The following AGAP6 variants were observed in gnomAD, a reference collection of about 807,000 sequenced individuals.
AGAP6 encodes the protein arf-GAP with GTPase, ANK repeat and PH domain-containing protein 6.
AGAP6 carries 29 observed loss-of-function variants against 63.9 expected under a neutral mutation model. That is an observed-to-expected ratio of 0.45 (90% confidence interval 0.34 to 0.62). The LOEUF is 0.62. Among genes scored for constraint, AGAP6 ranks in the 20% least tolerant of loss-of-function variants. AGAP6 has a pLI of 0.01. For missense variants in AGAP6, 493 were observed against 884.9 expected (o/e 0.56, Z 5.62); for synonymous variants, 199 against 332.9 (o/e 0.60, Z 4.38).
At chr10:49,992,950 CAG>C (rs1318107125) in intron 3 of AGAP6, among the ~76,000 whole-genome samples, 2 of 152,218 alleles carry the variant, frequency 1.3e-5, no homozygotes, top group Non-Finnish European at 2.9e-5. Flanking sequence ...TTGGTAGAGA[CAG>C]GGTTTCACCA....
chr10:49,992,770 T>G (rs1306263399), intron 3 of AGAP6, among the ~76,000 whole-genome samples: 6 of 152,038 alleles, frequency 3.9e-5, no homozygotes, highest in Middle Eastern at 3.2e-3. Context: ...CACTTTTTTT[T>G]TTTTGTTTTG....
Position 50,002,041 on chromosome 10 carries a change from A to G in AGAP6, c.442A>G (p.Ile148Val), listed in dbSNP as rs781872409. The G allele has an allele frequency of 5.0e-6, 8 of 1,612,514 alleles. No individual in the cohort carries two copies. Among genetic ancestry groups the G allele is most frequent in the Non-Finnish European group, 6.8e-6 (8 of 1,179,952 alleles). The change falls in exon 5 of 8, where the codon ATA becomes GTA. Residue 148 changes from isoleucine to valine, a missense_variant. This residue lies in a region of AGAP6 where 342 missense variants were observed against 533.4 expected (regional missense o/e 0.64). Transcript: ENST00000412531. Reference sequence around the variant, plus strand: ...TCAACAATACAGCTTGTGTTCGACAATATTCCTTGATGACAGCACAGCCAT... The same window carrying G: ...TCAACAATACAGCTTGTGTTCGACAGTATTCCTTGATGACAGCACAGCCAT... ...FSQQYSLCST[I>V]FLDDSTAIQH...
intron 4 of AGAP6, among the ~76,000 whole-genome samples, chr10:49,995,611 C>T (rs574790302): frequency 1.3e-5 from 2 of 152,218 alleles, no homozygotes; most frequent in East Asian, 1.9e-4. Flanking sequence ...TAGATATGCT[C>T]GATGTCTGCT....
intron 6 of AGAP6, among the ~76,000 whole-genome samples, chr10:50,005,854 A>T (rs372630230): frequency 1.4e-3 from 210 of 149,516 alleles, no homozygotes; most frequent in South Asian, 5.4e-3. Flanking sequence ...TGGGAGGTGG[A>T]GGTTGCAGTG....
intron 6 of AGAP6, among the ~76,000 whole-genome samples, chr10:50,006,435 C>T (rs1158112268): frequency 1.1e-4 from 16 of 152,184 alleles, no homozygotes; most frequent in Admixed American, 9.8e-4. Flanking sequence ...GAGTTTCACT[C>T]TGTCACTTGG....
chr10:49,995,402 G>T (rs1305333825), intron 4 of AGAP6, among the ~76,000 whole-genome samples: 1 of 152,026 alleles, frequency 6.6e-6, no homozygotes, highest in Admixed American at 6.6e-5. Context: ...TTATTTTTTA[G>T]CATGAAGCTA....
At position 50,010,447 on chromosome 10, in the gene AGAP6, T is replaced by C. The variant is rs1341979997; in HGVS notation, c.*261T>C. ...CACACAGGCTTCTGTATTATGTATTTAGATAAAATGTGTGAAAACATATTT... is the reference window on the plus strand; with the variant it reads ...CACACAGGCTTCTGTATTATGTATTCAGATAAAATGTGTGAAAACATATTT... On this transcript the variant is annotated 3_prime_UTR_variant, in exon 8 of 8. Coordinates refer to ENST00000412531, the MANE Select transcript of AGAP6 (RefSeq NM_001077665.3). The C allele has an allele frequency of 5.5e-6, 4 of 725,008 alleles. No homozygotes were observed. The African/African-American group carries it at 7.0e-5, about 13-fold the overall frequency. 44.9% of individuals were successfully genotyped at this position (725,008 alleles called of 1,614,324 possible).
chr10:49,995,386 C>CAA (rs1321577478), intron 4 of AGAP6, among the ~76,000 whole-genome samples: 11 of 152,206 alleles, frequency 7.2e-5, no homozygotes, highest in Non-Finnish European at 1.2e-4. Context: ...TTTGCTTTCA[C>CAA]ATCCATTATT....
intron 4 of AGAP6, among the ~76,000 whole-genome samples, chr10:49,996,402 G>A (rs1454061459): frequency 1.3e-5 from 2 of 152,070 alleles, no homozygotes; most frequent in Non-Finnish European, 2.9e-5. Context: ...TCAGTGTGAG[G>A]CCTTAGAAGC....
chr10:50,004,214 A>G (rs1311157225), intron 5 of AGAP6, among the ~76,000 whole-genome samples: 1 of 139,110 alleles, frequency 7.2e-6, no homozygotes, highest in Non-Finnish European at 1.5e-5. Context: ...AAATTATCTG[A>G]GCATAGTGGC....
At chr10:49,992,237 C>G (rs1554861199) in intron 3 of AGAP6, among the ~76,000 whole-genome samples, 1 of 151,988 alleles carries the variant, frequency 6.6e-6, no homozygotes, top group Admixed American at 6.6e-5. Flanking sequence ...TTACCACATC[C>G]AAGTTCATGC....
At chr10:49,990,470 G>T (rs1258452498) in intron 2 of AGAP6, among the ~76,000 whole-genome samples, 1 of 152,104 alleles carries the variant, frequency 6.6e-6, no homozygotes, top group Non-Finnish European at 1.5e-5. Context: ...AAAGAAAGTT[G>T]GAGTTTTTTA....
At chr10:49,990,276 T>TA (rs1159258624) in intron 2 of AGAP6, among the ~76,000 whole-genome samples, 27 of 147,730 alleles carry the variant, frequency 1.8e-4, no homozygotes, top group East Asian at 1.2e-3. Context: ...CTGTCTCTAC[T>TA]AAAAAAAAAA....
At chr10:50,007,695 AC>A (rs1286898967) in intron 6 of AGAP6, among the ~76,000 whole-genome samples, 9 of 151,208 alleles carry the variant, frequency 6.0e-5, no homozygotes, top group Middle Eastern at 3.4e-3. Flanking sequence ...AAAGTTTACT[AC>A]TACTGCTTTG....
intron 4 of AGAP6, among the ~76,000 whole-genome samples, chr10:49,994,750 G>A (rs1244209479): frequency 6.6e-6 from 1 of 152,066 alleles, no homozygotes; most frequent in Non-Finnish European, 1.5e-5. Flanking sequence ...ATCATCTGAG[G>A]TCAGGAGTTT....
At chr10:50,006,759 A>G (rs61848274) in intron 6 of AGAP6, among the ~76,000 whole-genome samples, 53,145 of 144,926 alleles carry the variant, frequency 0.37, 6,721 homozygotes, top group East Asian at 0.51. Flanking sequence ...CGGATTCTTT[A>G]AAAACAAAAA....
chr10:50,001,607 G>T (rs1841707975), intron 4 of AGAP6, among the ~76,000 whole-genome samples: 1 of 112,590 alleles, frequency 8.9e-6, no homozygotes, highest in African/African-American at 3.1e-5. Flanking sequence ...TTTTAGTAGA[G>T]ACGGGGTTTC....
chr10:49,989,032 T>C, intron 1 of AGAP6, 94 bp downstream of exon 1: 1 of 1,597,174 alleles, frequency 6.3e-7, no homozygotes, highest in Non-Finnish European at 8.5e-7. Flanking sequence ...TTCGAGCTCC[T>C]TTCTGCTTGT....
Position 50,008,087 on chromosome 10 carries a change from C to G in AGAP6, c.585+11C>G. On this transcript the variant is annotated intron_variant, in intron 7 of 7. Coordinates refer to ENST00000412531, the MANE Select transcript of AGAP6 (RefSeq NM_001077665.3). ...TTACACTCATTTGCGGTAAGTGGCA[C>G]TTTTATTGAGGTTGTATTTTCATCA... The G allele has an allele frequency of 6.2e-7, 1 of 1,611,870 alleles. No individual in the cohort carries two copies.
Sources: gnomAD v4.1 joint callset for allele counts (sites outside exome capture counted in the v4.1 genomes callset) on GRCh38, gnomAD v4.1.1 for gene constraint, gnomAD v4.1.1 regional missense constraint, MANE v1.5 for transcripts, NCBI Gene and HGNC (gene_info 2026-07-23, HGNC 2026-07-21) for gene names.